The following TRPM1 variants were observed in gnomAD, a reference collection of about 807,000 sequenced individuals.
TRPM1 encodes transient receptor potential cation channel subfamily M member 1, also known as TRPM1-203 APA Isoform, Intron 10.
A neutral mutation model predicts 149.4 loss-of-function variants in TRPM1; 113 were observed. The observed-to-expected ratio is 0.76, with a 90% CI of 0.65 to 0.88. The LOEUF (loss-of-function observed/expected upper bound fraction) is 0.88. TRPM1 is among the 40% of genes least tolerant of loss of function. TRPM1 has a pLI of 0.00. For missense variants in TRPM1, 1,976 were observed against 2,038.7 expected, an observed-to-expected ratio of 0.97 and a Z score of 0.59; for synonymous variants, 741 against 759.5, an observed-to-expected ratio of 0.98 and a Z score of 0.40.
chr15:31,062,123 C>G (rs16956503), intron 9 of TRPM1, among the ~76,000 whole-genome samples: 2,196 of 152,202 alleles, frequency 0.014, 59 homozygotes, highest in African/African-American at 0.05. Flanking sequence ...GATGCAAAGT[C>G]GTATCTAATC....
At chr15:31,155,924 C>T (rs763254988) in intron 1 of TRPM1, among the ~76,000 whole-genome samples, 1 of 152,068 alleles carries the variant, frequency 6.6e-6, no homozygotes, top group Non-Finnish European at 1.5e-5. Flanking sequence ...CGGCCAGGTG[C>T]AGTGGCTCAC....
intron 15 of TRPM1, 58 bp downstream of exon 15, chr15:31,047,053 G>C: frequency 1.2e-6 from 2 of 1,612,128 alleles, no homozygotes; most frequent in Non-Finnish European, 1.7e-6. Context: ...TGAAAAGCAA[G>C]CGAGGAACCA....
rs200599545 is a variant in TRPM1 at position 31,063,104 on chromosome 15, G to C, written c.965+14C>G. 1.2e-6 allele frequency: 2 copies of C among 1,614,094 alleles called. No individual in the cohort carries two copies. The highest frequency in any genetic ancestry group is 1.3e-5 in the African/African-American group (1 of 75,058). On this transcript the variant is annotated intron_variant, in intron 8 of 27. Coordinates refer to ENST00000256552, the MANE Select transcript of TRPM1 (RefSeq NM_001252024.2). ...GTTACGAACCCGCCCTTCCTCGCGC[G>C]TCAGAAATCCTACCCGCCTTCTTCA...
Position 31,032,888 on chromosome 15 carries a change from T to C in TRPM1, c.2753A>G (p.Gln918Arg). ...GAGATCTGTGATGTTCCAGTACTCC[T>C]GAAGCCAAACTTTGATTTTCTGGCT... Reference protein sequence around the residue: ...KLSQKIKVWLQEYWNITDLVA... With the variant: ...KLSQKIKVWLREYWNITDLVA... The change falls in exon 22 of 28, where the codon CAG becomes CGG. Residue 918 changes from glutamine to arginine, a missense_variant. Physicochemically the swap from Gln to Arg is conservative, Grantham distance 43 (BLOSUM62 1). Coordinates refer to ENST00000256552, the MANE Select transcript of TRPM1 (RefSeq NM_001252024.2). 1 of 1,614,250 alleles carries C rather than the reference T, an allele frequency of 6.2e-7. No individual in the cohort carries two copies. The highest frequency in any genetic ancestry group is 8.5e-7 in the Non-Finnish European group (1 of 1,180,050).
At chr15:31,075,983 C>G (rs2034676691) in intron 3 of TRPM1, among the ~76,000 whole-genome samples, 1 of 151,808 alleles carries the variant, frequency 6.6e-6, no homozygotes, top group African/African-American at 2.4e-5. Flanking sequence ...GCCTGGGCAT[C>G]TGGCTTCATG....
chr15:31,028,645 G>A (rs1394102519), intron 24 of TRPM1, among the ~76,000 whole-genome samples, 169 bp from the exon 25 acceptor site: 5 of 150,918 alleles, frequency 3.3e-5, no homozygotes, highest in Non-Finnish European at 7.4e-5. Flanking sequence ...CCAGCTACTC[G>A]GGAGTCTGAG....
intron 1 of TRPM1, among the ~76,000 whole-genome samples, chr15:31,154,355 C>G (rs1261500076): frequency 1.3e-5 from 2 of 152,098 alleles, no homozygotes; most frequent in Non-Finnish European, 2.9e-5. Context: ...CATTCAAGGC[C>G]TCTGATGAGG....
chr15:31,038,665 T>A (rs2033506706), intron 18 of TRPM1, among the ~76,000 whole-genome samples: 1 of 152,098 alleles, frequency 6.6e-6, no homozygotes, highest in South Asian at 2.1e-4. Flanking sequence ...TGAGGCGAGA[T>A]CGCGCCACTG....
Position 31,035,464 on chromosome 15 carries a change from T to G in TRPM1, c.2700+82A>C, listed in dbSNP as rs894794491. The G allele has an allele frequency of 1.0e-5, 16 of 1,598,590 alleles. No individual in the cohort carries two copies. In the African/African-American group the frequency reaches 2.0e-4, roughly 20 times the overall value. On this transcript the variant is annotated intron_variant, in intron 21 of 27. Transcript: ENST00000256552. Reference sequence around the variant, plus strand: ...CCTGGCCCAACATGCATAATTTGCATGAAACGTTTTTTCAGTAAGGAGCCA... The same window carrying G: ...CCTGGCCCAACATGCATAATTTGCAGGAAACGTTTTTTCAGTAAGGAGCCA...
intron 1 of TRPM1, among the ~76,000 whole-genome samples, chr15:31,098,379 G>A (rs903658694): frequency 1.3e-5 from 2 of 152,112 alleles, no homozygotes; most frequent in African/African-American, 4.8e-5. Flanking sequence ...GCGGTGAGCC[G>A]AGATCATGCC....
At chr15:31,139,904 C>CT (rs768790284) in intron 1 of TRPM1, among the ~76,000 whole-genome samples, 27 of 152,284 alleles carry the variant, frequency 1.8e-4, no homozygotes, top group South Asian at 1.0e-3. Flanking sequence ...ATTTTAAAAT[C>CT]TTTTTCAGTA....
intron 1 of TRPM1, among the ~76,000 whole-genome samples, chr15:31,148,425 C>T (rs1341864660): frequency 2.0e-5 from 3 of 152,136 alleles, no homozygotes; most frequent in Non-Finnish European, 4.4e-5. Flanking sequence ...TAGGAGAGAA[C>T]GCTCCATCCT....
At chr15:31,033,685 T>G (rs573236705) in intron 21 of TRPM1, among the ~76,000 whole-genome samples, 25 of 152,144 alleles carry the variant, frequency 1.6e-4, no homozygotes, top group African/African-American at 6.0e-4. Flanking sequence ...AGGGATTCAC[T>G]AGTTTAACAA....
intron 1 of TRPM1, among the ~76,000 whole-genome samples, chr15:31,083,273 T>C (rs1230963858): frequency 6.6e-6 from 1 of 152,230 alleles, no homozygotes; most frequent in Non-Finnish European, 1.5e-5. Flanking sequence ...AGCAGACGAC[T>C]CAAACTCTCA....
intron 1 of TRPM1, among the ~76,000 whole-genome samples, chr15:31,124,178 G>T (rs2035914891): frequency 6.6e-6 from 1 of 152,044 alleles, no homozygotes; most frequent in South Asian, 2.1e-4. Context: ...CCAGCTACTT[G>T]GGAGGCTGAA....
chr15:31,116,878 A>G (rs1455890010), intron 1 of TRPM1, among the ~76,000 whole-genome samples: 1 of 152,174 alleles, frequency 6.6e-6, no homozygotes, highest in Non-Finnish European at 1.5e-5. Context: ...AGGCCTATTT[A>G]CCTCACTTCT....
chr15:31,040,237 AG>A lies in TRPM1; in HGVS notation c.2196del (p.Cys733AlafsTer23). On this transcript the variant is annotated frameshift_variant, in exon 18 of 28. Transcript: ENST00000256552. LOFTEE classifies it high-confidence loss of function. The surrounding 1 kb of genome is among the most constrained non-coding windows in gnomAD (Gnocchi z 4.2). Reference sequence around the variant, plus strand: ...TTGGCTGCCACGGCCAGTTTGAGGCAGGTCGAGTTGCTCCAGTTTTTCAGCT... The same window carrying A: ...TTGGCTGCCACGGCCAGTTTGAGGCAGTCGAGTTGCTCCAGTTTTTCAGCT... ...TYELKNWSNS[T>X]CLKLAVAAKH... 6.2e-7 allele frequency: 1 copy of A among 1,614,224 alleles called. No individual in the cohort carries two copies. The highest frequency in any genetic ancestry group is 8.5e-7 in the Non-Finnish European group (1 of 1,180,042).
chr15:31,149,621 G>T (rs1223881), intron 1 of TRPM1, among the ~76,000 whole-genome samples: 3 of 150,450 alleles, frequency 2.0e-5, no homozygotes, highest in African/African-American at 4.9e-5. Flanking sequence ...CCGGGTTCAC[G>T]CCATTCTCCT....
intron 1 of TRPM1, among the ~76,000 whole-genome samples, chr15:31,095,539 G>C (rs996092885): frequency 1.3e-5 from 2 of 150,262 alleles, no homozygotes; most frequent in Admixed American, 6.7e-5. Context: ...ACAAAAATTA[G>C]CCAGGCATGG....
Sources: gnomAD v4.1 joint callset for allele counts (sites outside exome capture counted in the v4.1 genomes callset) on GRCh38, gnomAD v4.1.1 for gene constraint, Gnocchi (gnomAD v3.1) non-coding constraint, MANE v1.5 for transcripts, NCBI Gene and HGNC (gene_info 2026-07-23, HGNC 2026-07-21) for gene names.